The following PPIF variants were observed in gnomAD, a reference collection of about 807,000 sequenced individuals.
PPIF encodes peptidyl-prolyl cis-trans isomerase F, mitochondrial.
A neutral mutation model predicts 20.2 loss-of-function variants in PPIF; 23 were observed. The observed-to-expected ratio is 1.14, with a 90% CI of 0.82 to 1.61. The LOEUF is 1.61. Ranked by LOEUF, PPIF falls within the 40% of genes most tolerant of loss-of-function variation. PPIF has a pLI of 0.00. For missense variants in PPIF, 287 were observed against 291.6 expected, an observed-to-expected ratio of 0.98 and a Z score of 0.11; for synonymous variants, 113 against 123.1, an observed-to-expected ratio of 0.92 and a Z score of 0.54.
rs956396784 is a variant in PPIF, at chr10:79,353,553, A to T, written c.489-154A>T. ...CTCTGGGGTGTATTTGGGGCGCTCA[A>T]CAAGGCTTGATCGAGCTTTGGGGGT... On this transcript the variant is annotated intron_variant, in intron 5 of 5. Coordinates refer to ENST00000225174, the MANE Select transcript of PPIF (RefSeq NM_005729.4). The T allele has an allele frequency of 2.9e-6, 4 of 1,396,774 alleles. No individual in the cohort carries two copies. In the African/African-American group the frequency reaches 5.7e-5, roughly 20 times the overall value. The allele number at this position is 1,396,774 out of a possible 1,614,324, so 86.5% of individuals were successfully genotyped here.
At position 79,355,153 on chromosome 10, in the gene PPIF, T is replaced by C. The variant is rs1377208402; in HGVS notation, c.*1311T>C. ...CAAGATACGGTCATTTAAAATTGTG[T>C]GGCACCTCCCCCTGCCCCCTTCTTG... On this transcript the variant is annotated 3_prime_UTR_variant, in exon 6 of 6. Coordinates refer to ENST00000225174, the MANE Select transcript of PPIF (RefSeq NM_005729.4). 1 of 152,148 alleles carries C rather than the reference T, an allele frequency of 6.6e-6. No individual in the cohort carries two copies. Among genetic ancestry groups the C allele is most frequent in the African/African-American group, 2.4e-5 (1 of 41,412 alleles). 9.4% of individuals were successfully genotyped at this position (152,148 alleles called of 1,614,324 possible). A position where few individuals can be genotyped will look rare whatever the true frequency, so the allele number is the denominator to read the frequency against.
chr10:79,353,553 A>G (rs956396784), intron 5 of PPIF, 154 bp from the exon 6 acceptor site: 7 of 1,396,892 alleles, frequency 5.0e-6, no homozygotes, highest in South Asian at 2.7e-5. Flanking sequence ...GGGGCGCTCA[A>G]CAAGGCTTGA....
At chr10:79,351,452 A>C (rs1230753908) in intron 3 of PPIF, 35 bp from the exon 4 acceptor site, 2 of 1,607,710 alleles carry the variant, frequency 1.2e-6, no homozygotes, top group East Asian at 4.5e-5. Flanking sequence ...CGCCTGCTCC[A>C]TGGTAGCCAC....
intron 3 of PPIF, among the ~76,000 whole-genome samples, 183 bp from the exon 4 acceptor site, chr10:79,351,304 G>A (rs1438418369): frequency 6.7e-6 from 1 of 149,750 alleles, no homozygotes; most frequent in Non-Finnish European, 1.5e-5. Flanking sequence ...TTTAAGTTTT[G>A]TCTTTTTTTT....
chr10:79,351,838 G>A (rs973543712), intron 4 of PPIF: 2 of 447,316 alleles, frequency 4.5e-6, no homozygotes. Flanking sequence ...GGAGGCCCTG[G>A]CCACCTCCCT....
At position 79,351,572 on chromosome 10, in the gene PPIF, A is replaced by G. The variant is rs767778711; in HGVS notation, c.401A>G (p.His134Arg). ...CCTGACGAGAACTTTACACTGAAGC[A>G]CGTGGGGCCAGGTGAGTGGGGGCCT... ...RFPDENFTLK[H>R]VGPGVLSMAN... Residue 134 changes from histidine to arginine, a missense_variant, in exon 4 of 6, where the codon CAC (histidine) becomes CGC (arginine). By Grantham distance (29) the His-to-Arg change is conservative. Transcript: ENST00000225174. The G allele has an allele frequency of 5.0e-6, 8 of 1,614,024 alleles. No homozygotes were observed. Among genetic ancestry groups the G allele is most frequent in the Non-Finnish European group, 6.8e-6 (8 of 1,179,858 alleles).
rs1210364237 is a variant in PPIF, at chr10:79,347,775, G to C, written c.195+32G>C. The stretch of plus-strand genomic sequence containing the variant: ...CCGCTCGCAGGGCCGGCCTGGGCGC[G>C]GGACACGGGCCCGGGGAGAGCCCTG... On this transcript the variant is annotated intron_variant, in intron 1 of 5. Transcript: ENST00000225174. 3 of 1,287,462 alleles carry C rather than the reference G, an allele frequency of 2.3e-6. No homozygotes were observed. In the East Asian group the frequency reaches 9.5e-5, roughly 41 times the overall value. 79.8% of individuals were successfully genotyped at this position (1,287,462 alleles called of 1,614,324 possible).
chr10:79,353,784 C>T lies in PPIF; in HGVS notation c.566C>T (p.Ser189Phe). 1.2e-6 allele frequency: 2 copies of T among 1,614,240 alleles called. No homozygotes were observed. Among genetic ancestry groups the T allele is most frequent in the Non-Finnish European group, 1.7e-6 (2 of 1,180,040 alleles). The change falls in exon 6 of 6, where the codon TCT becomes TTT. Residue 189 changes from serine (S) to phenylalanine (F), a missense_variant. By Grantham distance (155) the Ser-to-Phe change is radical. Transcript: ENST00000225174. ...GTGAAGAAAATAGAATCTTTCGGCT[C>T]TAAGAGTGGGAGGACATCCAAGAAG... The part of the protein sequence containing the change: ...DVVKKIESFG[S>F]KSGRTSKKIV...
In PPIF at chr10:79,347,494, G is replaced by C; in HGVS notation, c.-55G>C. On this transcript the variant is annotated 5_prime_UTR_variant, in exon 1 of 6. Coordinates refer to ENST00000225174, the MANE Select transcript of PPIF (RefSeq NM_005729.4). The stretch of plus-strand genomic sequence containing the variant: ...ACTCGGCCTTCTGGGCGCGCGCGAC[G>C]TCAGTTTGAGTTCTGTGTTCTCCCC... The C allele has an allele frequency of 8.0e-7, 1 of 1,254,702 alleles. No individual in the cohort carries two copies. 77.7% of individuals were successfully genotyped at this position (1,254,702 alleles called of 1,614,324 possible). A position where few individuals can be genotyped will look rare whatever the true frequency, so the allele number is the denominator to read the frequency against.
chr10:79,349,776 A>T, intron 3 of PPIF, 23 bp downstream of exon 3: 1 of 1,613,552 alleles, frequency 6.2e-7, no homozygotes. Flanking sequence ...CCTCTTCTGT[A>T]AGGGGGGATG....
intron 5 of PPIF, among the ~76,000 whole-genome samples, chr10:79,352,860 T>C (rs1359910592): frequency 1.3e-5 from 2 of 152,242 alleles, no homozygotes; most frequent in African/African-American, 4.8e-5. Context: ...GCCTCTGTAT[T>C]ATCATAAACC....
In PPIF at chr10:79,352,383, A is replaced by G. The variant is rs1051204532; in HGVS notation, c.479A>G (p.Lys160Arg). ...NGSQFFICTI[K>R]TDWLDGKHVV... Reference sequence around the variant, plus strand: ...TCCCAGTTCTTCATCTGCACCATAAAGACAGACTGGTGAGTTCCCTGCCCC... The same window carrying G: ...TCCCAGTTCTTCATCTGCACCATAAGGACAGACTGGTGAGTTCCCTGCCCC... Residue 160 changes from lysine (K) to arginine (R), a missense_variant, in exon 5 of 6, where the codon AAG (lysine) becomes AGG (arginine). By Grantham distance (26) the Lys-to-Arg change is conservative (BLOSUM62 2). Transcript: ENST00000225174. The G allele has an allele frequency of 3.1e-6, 5 of 1,613,796 alleles. No individual in the cohort carries two copies. The African/African-American group carries it at 4.0e-5, about 13-fold the overall frequency.
chr10:79,347,634 C>T lies in PPIF; in HGVS notation c.86C>T (p.Ala29Val). The T allele has an allele frequency of 1.4e-6, 2 of 1,454,862 alleles. No homozygotes were observed. Among genetic ancestry groups the T allele is most frequent in the South Asian group, 1.4e-5 (1 of 74,002 alleles). The allele number at this position is 1,454,862 out of a possible 1,614,324, so 90.1% of individuals were successfully genotyped here. ...CCGCTGCGCCTCCCCGCGGCCCGCG[C>T]CTGCAGCAAGGGCTCCGGCGACCCG... ...SVPLRLPAAR[A>V]CSKGSGDPSS... Residue 29 changes from alanine to valine, a missense_variant, in exon 1 of 6, where the codon GCC becomes GTC. Physicochemically the swap from Ala to Val is moderately conservative, Grantham distance 64. Transcript: ENST00000225174.
Position 79,353,839 on chromosome 10 carries a change from C to CATTA in PPIF, c.621_622insATTA (p.Ter208IlefsTer31). 1 of 1,614,068 alleles carries CATTA rather than the reference C, an allele frequency of 6.2e-7. No homozygotes were observed. The highest frequency in any genetic ancestry group is 1.7e-5 in the Admixed American group (1 of 60,022). The stretch of plus-strand genomic sequence containing the variant: ...TCATCACAGACTGTGGCCAGTTGAG[C>CATTA]TAATCTGTGGCCAGGGTGCTGGCAT... On this transcript the variant is annotated frameshift_variant, in exon 6 of 6. Coordinates refer to ENST00000225174, the MANE Select transcript of PPIF (RefSeq NM_005729.4). LOFTEE classifies it high-confidence loss of function.
intron 2 of PPIF, 71 bp downstream of exon 2, chr10:79,349,177 C>G: frequency 1.2e-6 from 2 of 1,612,362 alleles, no homozygotes; most frequent in Non-Finnish European, 1.7e-6. Context: ...AGGTGGGTGG[C>G]GTGATGAGAA....
chr10:79,348,248 G>C (rs1855928116), intron 1 of PPIF, among the ~76,000 whole-genome samples: 1 of 152,136 alleles, frequency 6.6e-6, no homozygotes, highest in South Asian at 2.1e-4. Flanking sequence ...GCAGTAGTGC[G>C]GGCCCAGTAG....
At chr10:79,348,141 C>T (rs1173540068) in intron 1 of PPIF, among the ~76,000 whole-genome samples, 1 of 151,332 alleles carries the variant, frequency 6.6e-6, no homozygotes, top group East Asian at 2.0e-4. Flanking sequence ...CACGTGGCGG[C>T]CCTTGCACAA....
chr10:79,351,064 C>T (rs1377250305), intron 3 of PPIF, among the ~76,000 whole-genome samples: 4 of 152,134 alleles, frequency 2.6e-5, no homozygotes, highest in South Asian at 2.1e-4. Context: ...TGAGGGGACT[C>T]GGCCTGGGGA....
chr10:79,348,252 C>G (rs1393744600), intron 1 of PPIF, among the ~76,000 whole-genome samples: 1 of 152,080 alleles, frequency 6.6e-6, no homozygotes, highest in East Asian at 1.9e-4. Context: ...TAGTGCGGGC[C>G]CAGTAGGCCT....
Sources: gnomAD v4.1 joint callset for allele counts (sites outside exome capture counted in the v4.1 genomes callset) on GRCh38, gnomAD v4.1.1 for gene constraint, MANE v1.5 for transcripts, NCBI Gene and HGNC (gene_info 2026-07-23, HGNC 2026-07-21) for gene names.